The following NUP153 variants were observed in gnomAD, a reference collection of about 807,000 sequenced individuals.
The protein encoded by NUP153 is nucleoporin 153, also known as nuclear pore complex protein Nup153.
NUP153 carries 27 observed loss-of-function variants against 134.6 expected under a neutral mutation model. The observed-to-expected ratio is 0.20, with a 90% CI of 0.15 to 0.28. The LOEUF (loss-of-function observed/expected upper bound fraction) is 0.28, where lower values mean the gene tolerates loss of function less well. Among genes scored for constraint, NUP153 ranks in the 10% least tolerant of loss-of-function variants. The pLI is 1.00. For synonymous variants in NUP153, 640 were observed against 623.5 expected, an observed-to-expected ratio of 1.03 and a Z score of -0.40; for missense variants, 1,821 against 1,731.3, an observed-to-expected ratio of 1.05 and a Z score of -0.92.
At position 17,696,526 on chromosome 6, in the gene NUP153, C is replaced by T. The variant is rs977256968; in HGVS notation, c.112-7908G>A. The stretch of plus-strand genomic sequence containing the variant: ...ATCCCAGTACTTTGAGAGGCCGAGG[C>T]GGGTGGATCACAAGGTCAGGAGATC... On this transcript the variant is annotated intron_variant, in intron 1 of 21. Coordinates refer to ENST00000262077, the MANE Select transcript of NUP153 (RefSeq NM_005124.4). Among the ~76,000 whole-genome samples the T allele has an allele frequency of 5.3e-5, 8 of 152,036 alleles. 1 individual carries two copies. Among genetic ancestry groups the T allele is most frequent in the Middle Eastern group, 6.3e-3 (2 of 316 alleles).
intron 5 of NUP153, among the ~76,000 whole-genome samples, chr6:17,672,930 T>C (rs533146327): frequency 1.3e-5 from 2 of 152,146 alleles, no homozygotes; most frequent in African/African-American, 4.8e-5. Context: ...AACCTAAAAC[T>C]ATAAAACTTG....
chr6:17,704,279 G>C (rs1464415482), intron 1 of NUP153, among the ~76,000 whole-genome samples: 1 of 147,152 alleles, frequency 6.8e-6, no homozygotes, highest in Non-Finnish European at 1.5e-5. Flanking sequence ...GTGACAGAGC[G>C]AGACTCCGTC....
chr6:17,686,774 T>C (rs1581763327), intron 2 of NUP153, among the ~76,000 whole-genome samples: 1 of 151,930 alleles, frequency 6.6e-6, no homozygotes, highest in East Asian at 1.9e-4. Context: ...TGCTTCTAAG[T>C]ACATCAGGTG....
At chr6:17,635,200 C>T (rs958164428) in intron 16 of NUP153, among the ~76,000 whole-genome samples, 1 of 149,896 alleles carries the variant, frequency 6.7e-6, no homozygotes, top group Non-Finnish European at 1.5e-5. Flanking sequence ...AGCTCCACCT[C>T]CCAGATTCAC....
chr6:17,630,141 G>A (rs1765158471), intron 17 of NUP153, among the ~76,000 whole-genome samples: 1 of 152,120 alleles, frequency 6.6e-6, no homozygotes, highest in Non-Finnish European at 1.5e-5. Flanking sequence ...TGTTTGCCTT[G>A]GATGGGCATA....
rs1764285649 is a variant in NUP153, at chr6:17,615,887, C to G, written c.*210G>C. ...TCATAAAATATTTTTGCTGAAGAATCAGTCACCAGTCTAGCTATTTATTTA... is the reference window on the plus strand; with the variant it reads ...TCATAAAATATTTTTGCTGAAGAATGAGTCACCAGTCTAGCTATTTATTTA... On this transcript the variant is annotated 3_prime_UTR_variant, in exon 22 of 22. Coordinates refer to ENST00000262077, the MANE Select transcript of NUP153 (RefSeq NM_005124.4). The surrounding 1 kb of genome is among the most constrained non-coding windows in gnomAD (Gnocchi z 5.7). 2.1e-6 allele frequency: 1 copy of G among 485,900 alleles called. No individual in the cohort carries two copies. The highest frequency in any genetic ancestry group is 3.8e-5 in the Admixed American group (1 of 26,644). The allele number at this position is 485,900 out of a possible 1,614,324, so 30.1% of individuals were successfully genotyped here.
At chr6:17,653,982 A>T (rs7772277) in intron 11 of NUP153, among the ~76,000 whole-genome samples, 36,932 of 152,128 alleles carry the variant, frequency 0.24, 4,888 homozygotes, top group Non-Finnish European at 0.29. Context: ...AATGTCTTCA[A>T]CTATCTTTAA....
At chr6:17,657,309 G>A (rs1235658229) in intron 11 of NUP153, among the ~76,000 whole-genome samples, 1 of 151,704 alleles carries the variant, frequency 6.6e-6, no homozygotes, top group Non-Finnish European at 1.5e-5. Context: ...TGGGAAGCAA[G>A]GCGGGTGGGG....
intron 9 of NUP153, 169 bp from the exon 10 acceptor site, chr6:17,662,239 G>GT (rs1767234840): frequency 6.2e-6 from 1 of 160,998 alleles, no homozygotes; most frequent in Admixed American, 6.5e-5. Flanking sequence ...GTAACCAAGA[G>GT]TTACAGTGAG....
chr6:17,616,259 GCAC>G (rs1285565495), intron 21 of NUP153, 78 bp from the exon 22 acceptor site: 3 of 442,296 alleles, frequency 6.8e-6, no homozygotes, highest in Non-Finnish European at 1.2e-5. Flanking sequence ...ACCATGAGCA[GCAC>G]AAGGGTAAGG....
At chr6:17,662,949 T>A (rs566883935) in intron 9 of NUP153, among the ~76,000 whole-genome samples, 4 of 152,140 alleles carry the variant, frequency 2.6e-5, no homozygotes, top group Non-Finnish European at 5.9e-5. Flanking sequence ...AAAGGAACTG[T>A]TCTAGACTAA....
At chr6:17,654,594 A>G (rs918012783) in intron 11 of NUP153, among the ~76,000 whole-genome samples, 1 of 152,122 alleles carries the variant, frequency 6.6e-6, no homozygotes, top group African/African-American at 2.4e-5. Context: ...TGCTGCGATT[A>G]CAGGCATGAA....
chr6:17,630,760 G>A (rs1165180980), intron 17 of NUP153, among the ~76,000 whole-genome samples: 2 of 143,200 alleles, frequency 1.4e-5, no homozygotes, highest in African/African-American at 5.7e-5. Flanking sequence ...AGGGAGGGGA[G>A]AGGGGAGAGG....
At chr6:17,661,330 G>T (rs188528895) in intron 11 of NUP153, among the ~76,000 whole-genome samples, 61 of 151,966 alleles carry the variant, frequency 4.0e-4, no homozygotes, top group Non-Finnish European at 7.2e-4. Flanking sequence ...AGAAGAATAC[G>T]TATAGTATTA....
At chr6:17,623,357 CAAAAAAAAAAA>C (rs11326447) in intron 20 of NUP153, among the ~76,000 whole-genome samples, 1 of 81,958 alleles carries the variant, frequency 1.2e-5, no homozygotes, top group Non-Finnish European at 2.4e-5. Flanking sequence ...GAAAAATGGC[CAAAAAAAAAAA>C]AAAAAAAACC....
At chr6:17,672,219 T>G (rs190607939) in intron 5 of NUP153, among the ~76,000 whole-genome samples, 24 of 143,426 alleles carry the variant, frequency 1.7e-4, no homozygotes, top group Non-Finnish European at 3.2e-4. Context: ...GACACACAGA[T>G]CAATGGGTGG....
chr6:17,644,427 T>C (rs1392712921), intron 14 of NUP153, among the ~76,000 whole-genome samples: 1 of 152,208 alleles, frequency 6.6e-6, no homozygotes, highest in Non-Finnish European at 1.5e-5. Context: ...TTCATTAGCA[T>C]AGCATTCCAG....
intron 11 of NUP153, among the ~76,000 whole-genome samples, chr6:17,658,613 C>T (rs1766982521): frequency 6.6e-6 from 1 of 152,146 alleles, no homozygotes; most frequent in Non-Finnish European, 1.5e-5. Flanking sequence ...TGCCAAAGAA[C>T]TCAACGTTAG....
intron 21 of NUP153, among the ~76,000 whole-genome samples, 157 bp from the exon 22 acceptor site, chr6:17,616,338 C>T (rs373691457): frequency 3.7e-4 from 57 of 152,094 alleles, no homozygotes; most frequent in African/African-American, 1.3e-3. Flanking sequence ...CTAACACACA[C>T]GCTACTGTTA....
Sources: gnomAD v4.1 joint callset for allele counts (sites outside exome capture counted in the v4.1 genomes callset) on GRCh38, gnomAD v4.1.1 for gene constraint, Gnocchi (gnomAD v3.1) non-coding constraint, MANE v1.5 for transcripts, NCBI Gene and HGNC (gene_info 2026-07-23, HGNC 2026-07-21) for gene names.